The following ETV6 variants were observed in gnomAD, a reference collection of about 807,000 sequenced individuals.
The protein encoded by ETV6 is ETS variant transcription factor 6, also known as transcription factor ETV6.
Under a neutral mutation model 51.1 loss-of-function variants are expected in ETV6, and 16 were observed. The observed-to-expected ratio is 0.31, with a 90% CI of 0.21 to 0.48. The LOEUF (loss-of-function observed/expected upper bound fraction) is 0.48. Ranked by LOEUF, ETV6 falls within the 20% of genes least tolerant of loss-of-function variation. The pLI, the probability that ETV6 is intolerant of heterozygous loss-of-function variation, is 0.99. For synonymous variants in ETV6, 240 were observed against 224.1 expected (o/e 1.07, Z -0.64); for missense variants, 458 against 594.8 (o/e 0.77, Z 2.39).
At chr12:11,813,039 C>T (rs1345581102) in intron 2 of ETV6, among the ~76,000 whole-genome samples, 1 of 152,188 alleles carries the variant, frequency 6.6e-6, no homozygotes. Context: ...TGTGAGCCTT[C>T]AGTTCGCCGG....
chr12:11,723,688 T>A (rs1236333269), intron 1 of ETV6, among the ~76,000 whole-genome samples: 1 of 152,182 alleles, frequency 6.6e-6, no homozygotes, highest in East Asian at 1.9e-4. Flanking sequence ...TTCTCTTCCT[T>A]TGTCCTATCC....
At chr12:11,785,255 C>T (rs921910133) in intron 2 of ETV6, among the ~76,000 whole-genome samples, 7 of 152,064 alleles carry the variant, frequency 4.6e-5, no homozygotes, top group African/African-American at 1.2e-4. Flanking sequence ...TGACCTCGCT[C>T]GCTGGGATGC....
At chr12:11,731,731 C>T (rs1675373047) in intron 1 of ETV6, among the ~76,000 whole-genome samples, 1 of 152,150 alleles carries the variant, frequency 6.6e-6, no homozygotes, top group African/African-American at 2.4e-5. Context: ...TCCCCAAGGG[C>T]TCAAAGCCCT....
intron 2 of ETV6, among the ~76,000 whole-genome samples, chr12:11,759,611 C>T (rs1475969567): frequency 6.6e-6 from 1 of 152,148 alleles, no homozygotes; most frequent in African/African-American, 2.4e-5. Flanking sequence ...TTCTTCTGTC[C>T]GTTGCTTCCT....
rs1346507030 is a variant in ETV6, at chr12:11,892,721, G to GT, written c.*1677dup. 7 of 233,042 alleles carry GT rather than the reference G, an allele frequency of 3.0e-5. No homozygotes were observed. Among genetic ancestry groups the GT allele is most frequent in the Non-Finnish European group, 4.2e-5 (5 of 117,992 alleles). 14.4% of individuals were successfully genotyped at this position (233,042 alleles called of 1,614,324 possible). ...CCCTCAGCAGCAGCTCCCAGGTGAA[G>GT]TTACCAGACCCCTGGGCTTCTCCCC... On this transcript the variant is annotated 3_prime_UTR_variant, in exon 8 of 8. Coordinates refer to ENST00000396373, the MANE Select transcript of ETV6 (RefSeq NM_001987.5).
At chr12:11,656,912 A>T (rs1370523753) in intron 1 of ETV6, among the ~76,000 whole-genome samples, 1 of 151,866 alleles carries the variant, frequency 6.6e-6, no homozygotes, top group Non-Finnish European at 1.5e-5. Context: ...TACATCTTTA[A>T]TATTATGTGA....
At chr12:11,885,147 C>T (rs1020600472) in intron 6 of ETV6, among the ~76,000 whole-genome samples, 2 of 152,200 alleles carry the variant, frequency 1.3e-5, no homozygotes, top group African/African-American at 2.4e-5. Flanking sequence ...TGCTCAAGTG[C>T]GCAGTTGTAA....
chr12:11,813,886 C>T (rs1044877684), intron 2 of ETV6, among the ~76,000 whole-genome samples: 1 of 152,188 alleles, frequency 6.6e-6, no homozygotes, highest in African/African-American at 2.4e-5. Context: ...AGTACACATG[C>T]AAAATGAAAA....
intron 4 of ETV6, among the ~76,000 whole-genome samples, chr12:11,858,409 T>C (rs996378477): frequency 6.6e-6 from 1 of 151,662 alleles, no homozygotes; most frequent in African/African-American, 2.4e-5. Context: ...TATATATTTT[T>C]TTTTAATTGT....
At chr12:11,858,832 AG>A (rs201629816) in intron 4 of ETV6, among the ~76,000 whole-genome samples, 56,884 of 151,400 alleles carry the variant, frequency 0.38, 12,978 homozygotes, top group South Asian at 0.58. Flanking sequence ...GCAAGTGATG[AG>A]GAGAACTTTC....
At chr12:11,683,364 C>T (rs992376195) in intron 1 of ETV6, among the ~76,000 whole-genome samples, 3 of 152,126 alleles carry the variant, frequency 2.0e-5, no homozygotes, top group Non-Finnish European at 2.9e-5. Context: ...TTTTACAAGA[C>T]TAATTTAATT....
Position 11,884,504 on chromosome 12 carries a change from T to G in ETV6, c.1069T>G (p.Phe357Val). 6.2e-7 allele frequency: 1 copy of G among 1,614,216 alleles called. No homozygotes were observed. The highest frequency in any genetic ancestry group is 8.5e-7 in the Non-Finnish European group (1 of 1,180,040). ...GCTTTCTGACAGCCGGTACGAAAAC[T>G]TCATCCGATGGGAGGACAAAGAATC... is the stretch of plus-strand genomic sequence containing the variant. ...QLLSDSRYEN[F>V]IRWEDKESKI... The change falls in exon 6 of 8, where the codon TTC (phenylalanine) becomes GTC (valine). Residue 357 changes from phenylalanine to valine, a missense_variant. Phe to Val is a conservative substitution (Grantham distance 50). This residue lies in a region of ETV6 where 55 missense variants were observed against 151.2 expected (regional missense o/e 0.36). Coordinates refer to ENST00000396373, the MANE Select transcript of ETV6 (RefSeq NM_001987.5).
intron 2 of ETV6, among the ~76,000 whole-genome samples, chr12:11,757,758 G>T (rs1036117118): frequency 2.0e-5 from 3 of 152,224 alleles, no homozygotes; most frequent in African/African-American, 7.2e-5. Flanking sequence ...GCAGCCACAG[G>T]TGCAGGGACT....
chr12:11,730,806 T>A (rs1865580780), intron 1 of ETV6, among the ~76,000 whole-genome samples: 1 of 152,220 alleles, frequency 6.6e-6, no homozygotes. Flanking sequence ...CCAAGACCCC[T>A]CAGTGGGTTG....
intron 1 of ETV6, among the ~76,000 whole-genome samples, chr12:11,737,876 G>A (rs1417048320): frequency 6.6e-6 from 1 of 152,114 alleles, no homozygotes; most frequent in Admixed American, 6.5e-5. Flanking sequence ...CACTTTTTTT[G>A]TAGTTTTAGG....
At chr12:11,757,401 A>G (rs1344334142) in intron 2 of ETV6, among the ~76,000 whole-genome samples, 1 of 142,962 alleles carries the variant, frequency 7.0e-6, no homozygotes, top group African/African-American at 2.5e-5. Flanking sequence ...CAACAATTTT[A>G]TATGCTTTCA....
intron 2 of ETV6, among the ~76,000 whole-genome samples, chr12:11,788,645 A>C (rs2856328): frequency 0.47 from 71,403 of 150,792 alleles, 19,581 homozygotes; most frequent in Admixed American, 0.67. Context: ...CCCTCCCTTC[A>C]CTCTTGATTT....
At chr12:11,823,446 C>A (rs1479839942) in intron 2 of ETV6, among the ~76,000 whole-genome samples, 1 of 151,602 alleles carries the variant, frequency 6.6e-6, no homozygotes, top group Non-Finnish European at 1.5e-5. Flanking sequence ...TTGTTTTAAT[C>A]CCCACTAGAG....
rs554277625 is a variant in ETV6 at position 11,683,514 on chromosome 12, A to G, written c.33+33354A>G. ...ATAACTTTAATAAATAAATTTGCTC[A>G]TCCTTTTTTGATGGACCCTAACAAT... On this transcript the variant is annotated intron_variant, in intron 1 of 7. Coordinates refer to ENST00000396373, the MANE Select transcript of ETV6 (RefSeq NM_001987.5). Among the ~76,000 whole-genome samples, 356 of 152,320 alleles carry G rather than the reference A, an allele frequency of 2.3e-3. 1 individual carries two copies. Among genetic ancestry groups the G allele is most frequent in the African/African-American group, 8.2e-3 (343 of 41,580 alleles).
Sources: allele counts gnomAD v4.1 joint callset (sites outside exome capture counted in the v4.1 genomes callset), GRCh38; gene constraint gnomAD v4.1.1; regional missense constraint gnomAD v4.1.1; transcripts MANE v1.5; gene names NCBI Gene and HGNC (gene_info 2026-07-23, HGNC 2026-07-21).